DNAH14: variants seen among roughly 807,000 people sequenced by gnomAD.
DNAH14 encodes axonemal beta dynein heavy chain 14.
Under a neutral mutation model 520.9 loss-of-function variants are expected in DNAH14, and 478 were observed. The ratio of observed to expected loss-of-function variants is 0.92; its 90% confidence interval spans 0.85 to 0.99. DNAH14 has a LOEUF of 0.99. Among genes scored for constraint, DNAH14 ranks in the 50% least tolerant of loss-of-function variants. DNAH14 has a pLI of 0.00. For synonymous variants in DNAH14, 1,581 were observed against 1,757.2 expected, an observed-to-expected ratio of 0.90 and a Z score of 2.51; for missense variants, 4,831 against 5,234.5, an observed-to-expected ratio of 0.92 and a Z score of 2.38.
At chr1:225,158,424 G>A (rs182083521) in intron 34 of DNAH14, among the ~76,000 whole-genome samples, 1 of 152,168 alleles carries the variant, frequency 6.6e-6, no homozygotes, top group Non-Finnish European at 1.5e-5. Flanking sequence ...CCATACACTG[G>A]CTTGATTTCA....
chr1:224,971,523 G>A (rs1193893058), intron 7 of DNAH14, among the ~76,000 whole-genome samples: 1 of 152,160 alleles, frequency 6.6e-6, no homozygotes, highest in Non-Finnish European at 1.5e-5. Flanking sequence ...CTAATGGAGG[G>A]AGATAGATAA....
At chr1:225,174,709 A>AC (rs1405192461) in intron 36 of DNAH14, among the ~76,000 whole-genome samples, 2 of 152,114 alleles carry the variant, frequency 1.3e-5, no homozygotes, top group Non-Finnish European at 2.9e-5. Flanking sequence ...CCAGTAACAT[A>AC]TTGAGGAAAT....
chr1:224,987,240 C>T (rs1404415675), intron 8 of DNAH14, among the ~76,000 whole-genome samples: 2 of 151,934 alleles, frequency 1.3e-5, no homozygotes, highest in East Asian at 3.9e-4. Context: ...AGTCCAAAGG[C>T]CTAAAAACCA....
chr1:225,324,003 A>G (rs1330099789), intron 62 of DNAH14, among the ~76,000 whole-genome samples: 1 of 151,974 alleles, frequency 6.6e-6, no homozygotes, highest in Non-Finnish European at 1.5e-5. Context: ...TTTAGTAGAG[A>G]CAGGATTTCA....
At position 225,056,142 on chromosome 1, in the gene DNAH14, A is replaced by G. The variant is rs567022236; in HGVS notation, c.2424+4347A>G. On this transcript the variant is annotated intron_variant, in intron 17 of 85. Transcript: ENST00000682510. ...TTCCACAATGGTTGAACTACTTTAC[A>G]GCCCCACCAACAGTGTAAAAGTGCT... Among the ~76,000 whole-genome samples, 26 of 152,072 alleles carry G rather than the reference A, an allele frequency of 1.7e-4. No individual in the cohort carries two copies. The South Asian group carries it at 4.4e-3, about 26-fold the overall frequency.
intron 17 of DNAH14, among the ~76,000 whole-genome samples, chr1:225,074,912 A>C (rs2072060047): frequency 1.3e-5 from 2 of 152,212 alleles, no homozygotes; most frequent in South Asian, 4.1e-4. Flanking sequence ...TCGTGAAAGT[A>C]GCACCCCCAG....
At chr1:225,168,543 T>A (rs2082270445) in intron 36 of DNAH14, among the ~76,000 whole-genome samples, 1 of 152,188 alleles carries the variant, frequency 6.6e-6, no homozygotes, top group African/African-American at 2.4e-5. Context: ...CCACGGAGCC[T>A]CACTCATGGC....
intron 2 of DNAH14, 135 bp from the exon 3 acceptor site, chr1:224,954,824 T>C (rs1280033390): frequency 1.6e-6 from 1 of 626,840 alleles, no homozygotes; most frequent in African/African-American, 1.9e-5. Flanking sequence ...TGGAGCATGT[T>C]AACCATAGCA....
At chr1:225,374,481 G>A (rs1471874933) in intron 77 of DNAH14, among the ~76,000 whole-genome samples, 5 of 151,264 alleles carry the variant, frequency 3.3e-5, no homozygotes, top group African/African-American at 9.7e-5. Flanking sequence ...GGCTGGTCTC[G>A]AACTCCTGAC....
intron 23 of DNAH14, among the ~76,000 whole-genome samples, chr1:225,102,334 A>G (rs192473177): frequency 1.1e-3 from 171 of 152,250 alleles, no homozygotes; most frequent in African/African-American, 4.0e-3. Context: ...TATTGTGAAT[A>G]GTGCCACAAT....
Position 225,294,898 on chromosome 1 carries a change from G to A in DNAH14, c.8469+4816G>A, listed in dbSNP as rs181299694. On this transcript the variant is annotated intron_variant, in intron 55 of 85. Transcript: ENST00000682510. ...GGATTTTTTGTTGTTGTTGTTGTTT[G>A]TTTGTTTGTTTTTGGGAGAGTTTTT... Among the ~76,000 whole-genome samples the A allele has an allele frequency of 1.3e-3, 196 of 151,424 alleles. 1 individual carries two copies. The highest frequency in any genetic ancestry group is 4.5e-3 in the African/African-American group (185 of 41,396).
Position 224,985,485 on chromosome 1 carries a change from AG to A in DNAH14, c.830+11336del, listed in dbSNP as rs1055987621. On this transcript the variant is annotated intron_variant, in intron 8 of 85. Coordinates refer to ENST00000682510, the MANE Select transcript of DNAH14 (RefSeq NM_001367479.1). ...GTGGGGGAAGAGCTGGGTGGGGGTGAGGGGTAAAAGACAACAAATATGGTGC... is the reference window on the plus strand; with the variant it reads ...GTGGGGGAAGAGCTGGGTGGGGGTGAGGGTAAAAGACAACAAATATGGTGC... 1.1e-4 allele frequency among the ~76,000 whole-genome samples: 17 copies of A among 152,204 alleles called. No homozygotes were observed. The East Asian group carries it at 1.4e-3, about 12-fold the overall frequency.
chr1:225,331,917 G>A (rs1433067805), intron 65 of DNAH14, among the ~76,000 whole-genome samples: 2 of 151,948 alleles, frequency 1.3e-5, no homozygotes, highest in South Asian at 4.2e-4. Flanking sequence ...TATAAAACAT[G>A]GGTGGAACCA....
At chr1:225,211,686 C>T (rs1264665348) in intron 41 of DNAH14, among the ~76,000 whole-genome samples, 1 of 151,896 alleles carries the variant, frequency 6.6e-6, no homozygotes, top group African/African-American at 2.4e-5. Flanking sequence ...CCCCAAGACA[C>T]ATAATTGTCA....
At chr1:225,197,874 G>A (rs114802475) in intron 38 of DNAH14, among the ~76,000 whole-genome samples, 16 of 152,222 alleles carry the variant, frequency 1.1e-4, no homozygotes, top group Admixed American at 7.2e-4. Context: ...ACTGATTTGC[G>A]TGCATTAATT....
intron 38 of DNAH14, among the ~76,000 whole-genome samples, chr1:225,200,931 A>G (rs2086742887): frequency 1.3e-5 from 2 of 152,058 alleles, no homozygotes; most frequent in Non-Finnish European, 2.9e-5. Flanking sequence ...GTTTTCCTCG[A>G]TTATTCCCCC....
chr1:224,951,896 C>G (rs2060203069), intron 1 of DNAH14, among the ~76,000 whole-genome samples: 1 of 152,012 alleles, frequency 6.6e-6, no homozygotes, highest in Non-Finnish European at 1.5e-5. Flanking sequence ...GCCTTGGCTT[C>G]CCAAAGTGCT....
chr1:225,309,915 T>C (rs989428063), intron 60 of DNAH14, among the ~76,000 whole-genome samples: 1 of 151,936 alleles, frequency 6.6e-6, no homozygotes, highest in East Asian at 1.9e-4. Context: ...TTAGGAGATA[T>C]ACCTAATGCT....
At chr1:225,311,754 TA>T (rs2094370300) in intron 60 of DNAH14, among the ~76,000 whole-genome samples, 1 of 152,164 alleles carries the variant, frequency 6.6e-6, no homozygotes, top group African/African-American at 2.4e-5. Context: ...CAGATGGTTG[TA>T]GATGTGTAGG....
Sources: allele counts gnomAD v4.1 joint callset (sites outside exome capture counted in the v4.1 genomes callset), GRCh38; gene constraint gnomAD v4.1.1; transcripts MANE v1.5; gene names NCBI Gene and HGNC (gene_info 2026-07-23, HGNC 2026-07-21).